The following PTPRD variants were observed in gnomAD, a reference collection of about 807,000 sequenced individuals.
PTPRD encodes the protein protein tyrosine phosphatase receptor type D.
PTPRD carries 34 observed loss-of-function variants against 214.5 expected under a neutral mutation model. The ratio of observed to expected loss-of-function variants is 0.16; its 90% confidence interval spans 0.12 to 0.21. PTPRD has a LOEUF of 0.21. Among genes scored for constraint, PTPRD ranks in the 10% least tolerant of loss-of-function variants. The pLI is 1.00. For synonymous variants in PTPRD, 1,128 were observed against 845.7 expected, an observed-to-expected ratio of 1.33 and a Z score of -5.79; for missense variants, 2,545 against 2,398.7, an observed-to-expected ratio of 1.06 and a Z score of -1.27.
Position 9,825,498 on chromosome 9 carries a change from A to T in PTPRD, c.-367-58647T>A, listed in dbSNP as rs186406345. 1.5e-4 allele frequency among the ~76,000 whole-genome samples: 23 copies of T among 152,052 alleles called. No individual in the cohort carries two copies. The East Asian group carries it at 4.3e-3, about 28-fold the overall frequency. ...GAGAGACAGAGAGAAAGACAGACAG[A>T]AACAGACAGGTAGGCAGTCAGTGCA... On this transcript the variant is annotated intron_variant, in intron 5 of 45. Transcript: ENST00000381196.
At chr9:9,891,064 T>C (rs1288794404) in intron 5 of PTPRD, among the ~76,000 whole-genome samples, 2 of 152,140 alleles carry the variant, frequency 1.3e-5, no homozygotes, top group Admixed American at 6.6e-5. Flanking sequence ...TTATCTTTCA[T>C]TGACTGAAGC....
chr9:9,056,158 A>G (rs1218757877), intron 10 of PTPRD, among the ~76,000 whole-genome samples: 3 of 152,200 alleles, frequency 2.0e-5, no homozygotes, highest in African/African-American at 7.2e-5. Context: ...ACAATCTACG[A>G]AGAAGACAAA....
At chr9:10,225,853 A>G (rs1178354048) in intron 3 of PTPRD, among the ~76,000 whole-genome samples, 2 of 152,080 alleles carry the variant, frequency 1.3e-5, no homozygotes, top group African/African-American at 4.8e-5. Context: ...ATCTTTATCC[A>G]TCAACATAGA....
intron 11 of PTPRD, among the ~76,000 whole-genome samples, chr9:8,856,504 C>G (rs1044903237): frequency 3.9e-5 from 6 of 152,138 alleles, no homozygotes; most frequent in African/African-American, 7.2e-5. Context: ...GAGCTACACT[C>G]TGTTAAGTCA....
At chr9:9,247,513 G>A (rs2099973608) in intron 9 of PTPRD, among the ~76,000 whole-genome samples, 1 of 151,820 alleles carries the variant, frequency 6.6e-6, no homozygotes, top group African/African-American at 2.4e-5. Flanking sequence ...CCCTTATGAG[G>A]GATGAGAAAA....
chr9:9,341,408 C>T (rs924972773), intron 9 of PTPRD, among the ~76,000 whole-genome samples: 1 of 152,012 alleles, frequency 6.6e-6, no homozygotes, highest in African/African-American at 2.4e-5. Context: ...CTGTTAGTAC[C>T]CCATCTCCTC....
chr9:8,322,035 G>A (rs935094628), intron 44 of PTPRD, among the ~76,000 whole-genome samples: 1 of 151,856 alleles, frequency 6.6e-6, no homozygotes, highest in African/African-American at 2.4e-5. Context: ...ACTGATCTTT[G>A]ATGTTACTAC....
intron 8 of PTPRD, among the ~76,000 whole-genome samples, chr9:9,428,579 C>G (rs570151176): frequency 6.1e-4 from 93 of 152,320 alleles, no homozygotes; most frequent in Middle Eastern, 3.4e-3. Context: ...GAACTCTCCA[C>G]CCCAAATCAA....
At chr9:8,723,015 G>A (rs1315173006) in intron 12 of PTPRD, among the ~76,000 whole-genome samples, 1 of 152,090 alleles carries the variant, frequency 6.6e-6, no homozygotes, top group African/African-American at 2.4e-5. Flanking sequence ...TTTTGTCCTA[G>A]TAGAGAACAG....
At chr9:9,764,567 G>C (rs2098690988) in intron 6 of PTPRD, among the ~76,000 whole-genome samples, 1 of 151,952 alleles carries the variant, frequency 6.6e-6, no homozygotes, top group Non-Finnish European at 1.5e-5. Context: ...TTATTAAGAA[G>C]TTTAAAACAA....
In PTPRD at chr9:9,569,733, T is replaced by G. The variant is rs771121418; in HGVS notation, c.-237+4999A>C. On this transcript the variant is annotated intron_variant, in intron 8 of 45. Transcript: ENST00000381196. ...TCTTAGAAACTAAATTACTTGTTCC[T>G]GACATGTCGGGAACGGGGGAAGGCT... Among the ~76,000 whole-genome samples the G allele has an allele frequency of 9.2e-5, 14 of 151,646 alleles. No individual in the cohort carries two copies. The South Asian group carries it at 2.7e-3, about 29-fold the overall frequency.
Position 9,299,584 on chromosome 9 carries a change from G to T in PTPRD, c.-203+97865C>A, listed in dbSNP as rs556074040. ...GCAGATTATTTATAACTCTCAAAAG[G>T]GCCCCTTCCTTTTTTGAAAGGTCAT... On this transcript the variant is annotated intron_variant, in intron 9 of 45. Coordinates refer to ENST00000381196, the MANE Select transcript of PTPRD (RefSeq NM_002839.4). Among the ~76,000 whole-genome samples, 7 of 151,670 alleles carry T rather than the reference G, an allele frequency of 4.6e-5. No individual in the cohort carries two copies. The East Asian group carries it at 1.4e-3, about 30-fold the overall frequency.
intron 3 of PTPRD, among the ~76,000 whole-genome samples, chr9:10,059,023 A>T (rs1442795033): frequency 6.6e-6 from 1 of 152,156 alleles, no homozygotes; most frequent in Non-Finnish European, 1.5e-5. Context: ...ATTTACTTTG[A>T]ACATGTATGT....
chr9:8,960,180 T>C (rs963046885), intron 11 of PTPRD, among the ~76,000 whole-genome samples: 2 of 152,092 alleles, frequency 1.3e-5, no homozygotes, highest in Non-Finnish European at 2.9e-5. Context: ...GTGATAGTAT[T>C]AGTTCTAGGT....
chr9:8,634,815 A>C (rs1289583929), intron 13 of PTPRD, among the ~76,000 whole-genome samples: 3 of 151,794 alleles, frequency 2.0e-5, no homozygotes, highest in African/African-American at 7.2e-5. Flanking sequence ...TTGTATGTTT[A>C]CATTTGTGAA....
chr9:8,490,629 A>G (rs2097130753), intron 27 of PTPRD, among the ~76,000 whole-genome samples: 1 of 152,218 alleles, frequency 6.6e-6, no homozygotes, highest in African/African-American at 2.4e-5. Flanking sequence ...TAAACTAATT[A>G]TTACAATACA....
intron 7 of PTPRD, among the ~76,000 whole-genome samples, chr9:9,602,094 A>G (rs1161004474): frequency 6.6e-6 from 1 of 152,074 alleles, no homozygotes; most frequent in African/African-American, 2.4e-5. Context: ...AATTAAAATG[A>G]TTGAAAATTC....
At chr9:10,050,592 A>C (rs556118) in intron 3 of PTPRD, among the ~76,000 whole-genome samples, 4 of 125,942 alleles carry the variant, frequency 3.2e-5, no homozygotes, top group South Asian at 5.3e-4. Context: ...AAAAAAAAAG[A>C]CTATGTCAAT....
At chr9:8,667,221 C>G (rs538365178) in intron 12 of PTPRD, among the ~76,000 whole-genome samples, 1 of 152,234 alleles carries the variant, frequency 6.6e-6, no homozygotes, top group East Asian at 1.9e-4. Flanking sequence ...CGCCTGTAAT[C>G]CCAGCTACTT....
Sources: gnomAD v4.1 joint callset for allele counts (sites outside exome capture counted in the v4.1 genomes callset) on GRCh38, gnomAD v4.1.1 for gene constraint, MANE v1.5 for transcripts, NCBI Gene and HGNC (gene_info 2026-07-23, HGNC 2026-07-21) for gene names.